SH3TC2: variants seen among roughly 807,000 people sequenced by gnomAD.
The protein encoded by SH3TC2 is SH3 domain and tetratricopeptide repeat-containing protein 2.
SH3TC2 carries 87 observed loss-of-function variants against 124.5 expected under a neutral mutation model. That is an observed-to-expected ratio of 0.70 (90% CI 0.59 to 0.84). The LOEUF (loss-of-function observed/expected upper bound fraction) is 0.84. Ranked by LOEUF, SH3TC2 falls within the 40% of genes least tolerant of loss-of-function variation. The pLI is 0.00. For missense variants in SH3TC2, 1,536 were observed against 1,566.4 expected (o/e 0.98, Z 0.33); for synonymous variants, 634 against 628.5 (o/e 1.01, Z -0.13).
At chr5:149,007,453 C>A in intron 15 of SH3TC2, 1 of 475,820 alleles carries the variant, frequency 2.1e-6, no homozygotes, top group South Asian at 2.7e-5. Flanking sequence ...TTCTTAAACC[C>A]TTTTAATGGG....
At chr5:149,049,941 C>T (rs1037220105) in intron 2 of SH3TC2, among the ~76,000 whole-genome samples, 2 of 152,228 alleles carry the variant, frequency 1.3e-5, no homozygotes, top group East Asian at 1.9e-4. Context: ...TGGCTGCCCT[C>T]AGGTGATCAT....
In SH3TC2 at chr5:149,006,879, A is replaced by T; in HGVS notation, c.3675+2T>A. On this transcript the variant is annotated splice_donor_variant, in intron 16 of 16. Transcript: ENST00000515425. LOFTEE classifies it high-confidence loss of function. ...AGGAAATCTGGGAAGTCTGGCTCTT[A>T]CCTTCAGCTGGCAGAAGGTGAGTCT... 6.2e-7 allele frequency: 1 copy of T among 1,613,238 alleles called. No individual in the cohort carries two copies. Among genetic ancestry groups the T allele is most frequent in the South Asian group, 1.1e-5 (1 of 91,036 alleles).
intron 1 of SH3TC2, among the ~76,000 whole-genome samples, chr5:149,053,573 G>T (rs1406405871): frequency 6.6e-6 from 1 of 152,216 alleles, no homozygotes; most frequent in African/African-American, 2.4e-5. Context: ...TTTCAGTTCT[G>T]CCCCGAGGAA....
At chr5:149,042,987 C>A (rs1486728824) in intron 4 of SH3TC2, 150 bp from the exon 5 acceptor site, 21 of 837,298 alleles carry the variant, frequency 2.5e-5, no homozygotes, top group African/African-American at 5.1e-5. Context: ...ACATAAGAGG[C>A]AAAGCCAGAC....
chr5:149,021,346 C>A (rs1753965327), intron 12 of SH3TC2, among the ~76,000 whole-genome samples: 1 of 151,894 alleles, frequency 6.6e-6, no homozygotes, highest in African/African-American at 2.4e-5. Context: ...AATCTCAAAT[C>A]AATACCTAAT....
chr5:148,998,925 C>T lies in SH3TC2; in HGVS notation c.*5786G>A, dbSNP rs1046494929. ...AGAGGGAAGACCGCCAAGTGAGAGG[C>T]CCAGTAGCAAAGAGCACCCCTAACA... On this transcript the variant is annotated 3_prime_UTR_variant, in exon 17 of 17. Transcript: ENST00000515425. Among the ~76,000 whole-genome samples, 2 of 151,992 alleles carry T rather than the reference C, an allele frequency of 1.3e-5. No individual in the cohort carries two copies. Among genetic ancestry groups the T allele is most frequent in the Non-Finnish European group, 2.9e-5 (2 of 67,980 alleles).
chr5:149,013,116 T>C (rs1406501753), intron 12 of SH3TC2, among the ~76,000 whole-genome samples: 1 of 152,210 alleles, frequency 6.6e-6, no homozygotes. Context: ...ACCCTTTTAC[T>C]GCTCTATAAC....
At chr5:149,021,803 A>G (rs1049204386) in intron 12 of SH3TC2, among the ~76,000 whole-genome samples, 12 of 151,832 alleles carry the variant, frequency 7.9e-5, no homozygotes, top group African/African-American at 2.6e-4. Context: ...TACAAAGGTA[A>G]GTCAAGATTT....
chr5:149,018,917 G>C (rs1391186858), intron 12 of SH3TC2, among the ~76,000 whole-genome samples: 1 of 152,048 alleles, frequency 6.6e-6, no homozygotes, highest in Non-Finnish European at 1.5e-5. Context: ...CCCATCCTTT[G>C]CTGAAAGCAT....
At position 148,982,175 on chromosome 5, in the gene SH3TC2, T is replaced by A. The variant is rs1383826627; in HGVS notation, c.*22536A>T. Among the ~76,000 whole-genome samples the A allele has an allele frequency of 1.3e-5, 2 of 152,074 alleles. No individual in the cohort carries two copies. Among genetic ancestry groups the A allele is most frequent in the Non-Finnish European group, 2.9e-5 (2 of 68,014 alleles). ...TTCCAGTATTTTTTTTTTATTTCTG[T>A]AGTTTAAATTTTAAAACATTGAGAT... On this transcript the variant is annotated 3_prime_UTR_variant, in exon 17 of 17. Transcript: ENST00000515425.
In SH3TC2 at chr5:149,028,521, G is replaced by A. The variant is rs774001683; in HGVS notation, c.1211C>T (p.Pro404Leu). ...SQPEGFKEVR[P>L]GRAWEEHQAV... is the part of the protein sequence containing the mutation. Reference sequence around the variant, plus strand: ...CTGATGCTCCTCCCAGGCTCTGCCAGGCCTGACCTCCTTGAAACCTTCAGG... The same window carrying A: ...CTGATGCTCCTCCCAGGCTCTGCCAAGCCTGACCTCCTTGAAACCTTCAGG... Residue 404 changes from proline to leucine, a missense_variant, in exon 11 of 17, where the codon CCT (proline) becomes CTT (leucine). This residue lies in a region of SH3TC2 where 1,102 missense variants were observed against 1,098.6 expected (regional missense o/e 1.00). Coordinates refer to ENST00000515425, the MANE Select transcript of SH3TC2 (RefSeq NM_024577.4). 1.2e-6 allele frequency: 2 copies of A among 1,613,978 alleles called. No homozygotes were observed. The highest frequency in any genetic ancestry group is 1.7e-6 in the Non-Finnish European group (2 of 1,179,922).
intron 12 of SH3TC2, among the ~76,000 whole-genome samples, chr5:149,017,373 AC>A (rs1480439843): frequency 2.6e-5 from 4 of 152,136 alleles, no homozygotes; most frequent in Non-Finnish European, 5.9e-5. Context: ...GAGACTGCAA[AC>A]CTTTATCAAA....
In SH3TC2 at chr5:149,000,842, A is replaced by T. The variant is rs1290054089; in HGVS notation, c.*3869T>A. 6.6e-6 allele frequency among the ~76,000 whole-genome samples: 1 copy of T among 152,218 alleles called. No homozygotes were observed. Among genetic ancestry groups the T allele is most frequent in the Non-Finnish European group, 1.5e-5 (1 of 68,042 alleles). On this transcript the variant is annotated 3_prime_UTR_variant, in exon 17 of 17. Transcript: ENST00000515425. ...TACTCACCTGTAAAAAGAAGATAAT[A>T]TAATTGAGCTATAAAAATATATTAT... is the stretch of plus-strand genomic sequence containing the variant.
At chr5:149,031,803 C>A in intron 8 of SH3TC2, 116 bp from the exon 9 acceptor site, 1 of 1,394,782 alleles carries the variant, frequency 7.2e-7, no homozygotes. Context: ...AACCAACTTC[C>A]CGCAAATGAA....
chr5:149,030,848 C>A (rs1286683363), intron 9 of SH3TC2, among the ~76,000 whole-genome samples: 1 of 152,232 alleles, frequency 6.6e-6, no homozygotes, highest in East Asian at 1.9e-4. Flanking sequence ...CCTCAAGTCA[C>A]CATCAATGAG....
intron 1 of SH3TC2, chr5:149,057,604 A>G (rs1036158532): frequency 6.6e-6 from 1 of 152,218 alleles, no homozygotes; most frequent in African/African-American, 2.4e-5. Flanking sequence ...CACAGGGGCC[A>G]TGCTAATCTT....
At chr5:149,014,473 G>T (rs1753837292) in intron 12 of SH3TC2, among the ~76,000 whole-genome samples, 1 of 152,128 alleles carries the variant, frequency 6.6e-6, no homozygotes, top group Non-Finnish European at 1.5e-5. Flanking sequence ...GCACCATGAG[G>T]GAAACAAGCA....
Position 148,986,235 on chromosome 5 carries a change from A to G in SH3TC2, c.*18476T>C, listed in dbSNP as rs185251230. On this transcript the variant is annotated 3_prime_UTR_variant, in exon 17 of 17. Transcript: ENST00000515425. ...TTTTTGTAAGAACAAGAGAAAAAAA[A>G]TGTATCTGAAATCAGAAAGCAATTA... is the stretch of plus-strand genomic sequence containing the variant. 1.2e-3 allele frequency among the ~76,000 whole-genome samples: 186 copies of G among 151,858 alleles called. 1 individual carries two copies. The highest frequency in any genetic ancestry group is 4.3e-3 in the African/African-American group (178 of 41,530).
At position 148,994,739 on chromosome 5, in the gene SH3TC2, A is replaced by ATGGATGG. The variant is rs1753480379; in HGVS notation, c.*9971_*9972insCCATCCA. On this transcript the variant is annotated 3_prime_UTR_variant, in exon 17 of 17. Coordinates refer to ENST00000515425, the MANE Select transcript of SH3TC2 (RefSeq NM_024577.4). The stretch of plus-strand genomic sequence containing the variant: ...GGATGGATGGATGGATGGATGGATG[A>ATGGATGG]ATAGATGGATGAATAGATGGATGAA... Among the ~76,000 whole-genome samples the ATGGATGG allele has an allele frequency of 1.5e-5, 1 of 65,594 alleles. No individual in the cohort carries two copies. Among genetic ancestry groups the ATGGATGG allele is most frequent in the Non-Finnish European group, 3.3e-5 (1 of 30,616 alleles). The allele number at this position is 65,594 out of a possible 152,430, so 43.0% of individuals were successfully genotyped here.
Sources: gnomAD v4.1 joint callset for allele counts (sites outside exome capture counted in the v4.1 genomes callset) on GRCh38, gnomAD v4.1.1 for gene constraint, gnomAD v4.1.1 regional missense constraint, MANE v1.5 for transcripts, NCBI Gene and HGNC (gene_info 2026-07-23, HGNC 2026-07-21) for gene names.